Variants in MFHAS1 observed in about 807,000 individuals in gnomAD.
The protein encoded by MFHAS1 is malignant fibrous histiocytoma-amplified sequence 1.
Under a neutral mutation model 70.4 loss-of-function variants are expected in MFHAS1, and 50 were observed. The observed-to-expected ratio is 0.71, with a 90% CI of 0.57 to 0.90. MFHAS1 has a LOEUF of 0.90. Ranked by LOEUF, MFHAS1 falls within the 40% of genes least tolerant of loss-of-function variation. The pLI is 0.00. For missense variants in MFHAS1, 1,795 were observed against 1,347.6 expected, an observed-to-expected ratio of 1.33 and a Z score of -5.20; for synonymous variants, 952 against 620.0, an observed-to-expected ratio of 1.54 and a Z score of -7.96.
At chr8:8,825,908 G>T (rs968320407) in intron 1 of MFHAS1, among the ~76,000 whole-genome samples, 2 of 152,140 alleles carry the variant, frequency 1.3e-5, no homozygotes, top group Non-Finnish European at 2.9e-5. Flanking sequence ...ACTGGAGGAG[G>T]CTCAGAGGTA....
In MFHAS1 at chr8:8,785,970, C is replaced by A; in HGVS notation, c.*52G>T. ...GGGTCTGCCAGGTGCAAAAGATGGTCCAGGTGTTCAGATGCTCTCTTTTCT... is the reference window on the plus strand; with the variant it reads ...GGGTCTGCCAGGTGCAAAAGATGGTACAGGTGTTCAGATGCTCTCTTTTCT... On this transcript the variant is annotated 3_prime_UTR_variant, in exon 3 of 3. Transcript: ENST00000276282. 2 of 1,591,932 alleles carry A rather than the reference C, an allele frequency of 1.3e-6. No homozygotes were observed. Among genetic ancestry groups the A allele is most frequent in the South Asian group, 1.1e-5 (1 of 90,600 alleles).
intron 1 of MFHAS1, among the ~76,000 whole-genome samples, chr8:8,873,313 G>C (rs765024530): frequency 6.6e-6 from 1 of 152,128 alleles, no homozygotes; most frequent in Non-Finnish European, 1.5e-5. Flanking sequence ...TGACTTGGCA[G>C]TTAGCATGAA....
At chr8:8,849,038 CTCTGCA>C in intron 1 of MFHAS1, among the ~76,000 whole-genome samples, 1 of 147,194 alleles carries the variant, frequency 6.8e-6, no homozygotes, top group South Asian at 2.2e-4. Flanking sequence ...CAAAGAACAG[CTCTGCA>C]GCAATTAATT....
At chr8:8,860,462 A>G (rs1175970665) in intron 1 of MFHAS1, among the ~76,000 whole-genome samples, 1 of 152,206 alleles carries the variant, frequency 6.6e-6, no homozygotes, top group East Asian at 1.9e-4. Flanking sequence ...GCTGGCATGC[A>G]TCTCTACTAG....
intron 1 of MFHAS1, among the ~76,000 whole-genome samples, chr8:8,876,069 T>G (rs968844599): frequency 1.3e-5 from 2 of 152,174 alleles, no homozygotes; most frequent in Admixed American, 6.5e-5. Flanking sequence ...AGCAGCAAAC[T>G]CCTACTGAGC....
At chr8:8,863,779 G>A (rs150947040) in intron 1 of MFHAS1, among the ~76,000 whole-genome samples, 3 of 152,196 alleles carry the variant, frequency 2.0e-5, no homozygotes, top group East Asian at 3.9e-4. Context: ...CTATTAATAT[G>A]CAGTTTCTAA....
chr8:8,820,897 C>T (rs1355403542), intron 1 of MFHAS1, among the ~76,000 whole-genome samples: 1 of 152,172 alleles, frequency 6.6e-6, no homozygotes, highest in Non-Finnish European at 1.5e-5. Context: ...TTGAACAAAC[C>T]CACATCACAC....
At chr8:8,854,340 T>A (rs1246014423) in intron 1 of MFHAS1, among the ~76,000 whole-genome samples, 2 of 152,024 alleles carry the variant, frequency 1.3e-5, no homozygotes, top group Non-Finnish European at 2.9e-5. Context: ...GCTAACACAG[T>A]GAAACCCCGT....
In MFHAS1 at chr8:8,828,963, TC is replaced by T. The variant is rs1807265747; in HGVS notation, c.2999-31473del. 3.9e-5 allele frequency among the ~76,000 whole-genome samples: 6 copies of T among 152,250 alleles called. 1 individual carries two copies. In the South Asian group the frequency reaches 1.2e-3, roughly 32 times the overall value. ...GCTAAGAGCACCCCTGCCTCCCTCT[TC>T]CGGCCCGTTACTGCAGCCAGCAGCC... On this transcript the variant is annotated intron_variant, in intron 1 of 2. Transcript: ENST00000276282.
At chr8:8,806,074 T>G (rs977213500) in intron 1 of MFHAS1, among the ~76,000 whole-genome samples, 4 of 152,236 alleles carry the variant, frequency 2.6e-5, no homozygotes, top group Non-Finnish European at 5.9e-5. Flanking sequence ...CATTGTTCCC[T>G]ACGTCTTCCT....
chr8:8,829,745 C>G (rs1429797928), intron 1 of MFHAS1, among the ~76,000 whole-genome samples: 2 of 152,158 alleles, frequency 1.3e-5, no homozygotes, highest in African/African-American at 4.8e-5. Flanking sequence ...TCCTCAGTGC[C>G]TGACACAATG....
Position 8,875,417 on chromosome 8 carries a change from A to G in MFHAS1, c.2998+14644T>C, listed in dbSNP as rs576299831. Among the ~76,000 whole-genome samples the G allele has an allele frequency of 6.6e-5, 10 of 152,364 alleles. No homozygotes were observed. The South Asian group carries it at 2.1e-3, about 32-fold the overall frequency. ...GTATAAATACTAATCACAGGAAATT[A>G]TATCCATGTTAGCATAAGTTTAAAA... On this transcript the variant is annotated intron_variant, in intron 1 of 2. Transcript: ENST00000276282.
At chr8:8,849,326 C>T (rs1024239717) in intron 1 of MFHAS1, among the ~76,000 whole-genome samples, 2 of 151,838 alleles carry the variant, frequency 1.3e-5, no homozygotes, top group African/African-American at 4.9e-5. Flanking sequence ...AGTGGCCTGC[C>T]TGCCTCAGCC....
chr8:8,785,760 C>G lies in MFHAS1; in HGVS notation c.*262G>C. The G allele has an allele frequency of 2.9e-5, 7 of 240,238 alleles. No individual in the cohort carries two copies. Among genetic ancestry groups the G allele is most frequent in the East Asian group, 6.8e-5 (1 of 14,638 alleles). 14.9% of individuals were successfully genotyped at this position (240,238 alleles called of 1,614,324 possible). On this transcript the variant is annotated 3_prime_UTR_variant, in exon 3 of 3. Coordinates refer to ENST00000276282, the MANE Select transcript of MFHAS1 (RefSeq NM_004225.3). ...GACTTTTTTTTTTTTTTTTTCTTTT[C>G]TTCAAGTAGCGCGCTCCTTGGAGGA...
chr8:8,797,852 G>C (rs573178609), intron 1 of MFHAS1, among the ~76,000 whole-genome samples: 1 of 152,288 alleles, frequency 6.6e-6, no homozygotes, highest in African/African-American at 2.4e-5. Context: ...ACCGAAGCAA[G>C]GGCTGCCAAG....
chr8:8,880,472 C>T (rs1300765963), intron 1 of MFHAS1, among the ~76,000 whole-genome samples: 1 of 152,128 alleles, frequency 6.6e-6, no homozygotes, highest in Non-Finnish European at 1.5e-5. Flanking sequence ...GTCATCAGGG[C>T]TTGACTCATT....
intron 1 of MFHAS1, among the ~76,000 whole-genome samples, chr8:8,804,427 A>C (rs1002333383): frequency 6.6e-6 from 1 of 152,230 alleles, no homozygotes; most frequent in Non-Finnish European, 1.5e-5. Flanking sequence ...ACAAAAAAAC[A>C]ACATTCATAA....
At chr8:8,846,785 A>G (rs890686949) in intron 1 of MFHAS1, among the ~76,000 whole-genome samples, 14 of 152,074 alleles carry the variant, frequency 9.2e-5, no homozygotes, top group Admixed American at 9.2e-4. Flanking sequence ...GCCCTCCTAG[A>G]CAGGTTTTCC....
rs745467872 is a variant in MFHAS1, at chr8:8,890,305, G to C, written c.2754C>G (p.Ala918=). 2.5e-6 allele frequency: 4 copies of C among 1,614,190 alleles called. No individual in the cohort carries two copies. The highest frequency in any genetic ancestry group is 3.4e-6 in the Non-Finnish European group (4 of 1,180,044). ...CAACCACAGGAACTTTCCCTCTATAGGCAAAGATCTGAAATTTACCATCCG... is the reference window on the plus strand; with the variant it reads ...CAACCACAGGAACTTTCCCTCTATACGCAAAGATCTGAAATTTACCATCCG... ...HRSDGKFQIF[A]YRGKVPVVVS... Residue 918 remains alanine, a synonymous_variant, in exon 1 of 3, where the codon GCC becomes GCG. Transcript: ENST00000276282.
Sources: allele counts gnomAD v4.1 joint callset (sites outside exome capture counted in the v4.1 genomes callset), GRCh38; gene constraint gnomAD v4.1.1; transcripts MANE v1.5; gene names NCBI Gene and HGNC (gene_info 2026-07-23, HGNC 2026-07-21).